Variants in SLC6A14 observed in about 807,000 individuals in gnomAD.
The protein encoded by SLC6A14 is solute carrier family 6 member 14.
In SLC6A14, 21 loss-of-function variants were observed where a neutral mutation model predicts 51.4. The ratio of observed to expected loss-of-function variants is 0.41; its 90% CI spans 0.29 to 0.59. The LOEUF (loss-of-function observed/expected upper bound fraction) is 0.59, where lower values mean the gene tolerates loss of function less well. Ranked by LOEUF, SLC6A14 falls within the 20% of genes least tolerant of loss-of-function variation. SLC6A14 has a pLI of 0.31. For synonymous variants in SLC6A14, 177 were observed against 160.7 expected (o/e 1.10, Z -0.77); for missense variants, 371 against 472.8 (o/e 0.78, Z 2.00).
intron 12 of SLC6A14, among the ~76,000 whole-genome samples, chrX:116,456,832 C>G (rs1352546683): frequency 1.8e-5 from 2 of 111,574 alleles, no homozygotes; most frequent in African/African-American, 6.5e-5. Flanking sequence ...TTTAAGGAAG[C>G]TCCTTAATAA....
At chrX:116,444,847 T>TCG (rs1345621270) in intron 5 of SLC6A14, 71 bp from the exon 6 acceptor site, 2 of 1,053,047 alleles carry the variant, frequency 1.9e-6, no homozygotes, top group African/African-American at 3.7e-5. Flanking sequence ...GGATAAATGG[T>TCG]ATTACAAAAC....
At chrX:116,440,170 T>C (rs2147384721) in intron 2 of SLC6A14, among the ~76,000 whole-genome samples, 1 of 111,577 alleles carries the variant, frequency 9.0e-6, no homozygotes, top group South Asian at 3.7e-4. Flanking sequence ...TGAAAAATAC[T>C]ATGCCCCAAA....
intron 9 of SLC6A14, 111 bp from the exon 10 acceptor site, chrX:116,454,213 A>G (rs1927878918): frequency 2.0e-6 from 1 of 493,140 alleles, no homozygotes; most frequent in East Asian, 3.6e-5. Context: ...CAGGGCTCAG[A>G]GTCTATTTTC....
Position 116,459,004 on chromosome X carries a change from A to G in SLC6A14, c.*49A>G, listed in dbSNP as rs782366515. The G allele has an allele frequency of 2.9e-6, 3 of 1,020,081 alleles. No homozygotes were observed. Among genetic ancestry groups the G allele is most frequent in the South Asian group, 4.6e-5 (2 of 43,223 alleles). The allele number at this position is 1,020,081 out of a possible 1,213,427, so 84.1% of individuals were successfully genotyped here. ...ATTGTATAATGTGATTTTTTTTAGA[A>G]TAGGGGGAACCTTATTTATTTGTGT... On this transcript the variant is annotated 3_prime_UTR_variant, in exon 14 of 14. Transcript: ENST00000598581.
intron 8 of SLC6A14, 67 bp from the exon 9 acceptor site, chrX:116,452,950 T>C (rs1226420449): frequency 2.3e-6 from 2 of 886,051 alleles, no homozygotes; most frequent in South Asian, 3.2e-5. Context: ...TAATATCTTA[T>C]GTTTTAAATG....
intron 3 of SLC6A14, among the ~76,000 whole-genome samples, chrX:116,441,815 CTT>C (rs1417810117): frequency 9.0e-6 from 1 of 111,630 alleles, no homozygotes; most frequent in Non-Finnish European, 1.9e-5. Flanking sequence ...GTTAAGGAAA[CTT>C]TGGATATTTA....
At chrX:116,446,234 A>T (rs1169030900) in intron 6 of SLC6A14, among the ~76,000 whole-genome samples, 1 of 110,087 alleles carries the variant, frequency 9.1e-6, no homozygotes, top group Non-Finnish European at 1.9e-5. Context: ...AAACTCTCTT[A>T]ATGGTAGCTG....
chrX:116,442,543 G>A (rs1927619802), intron 3 of SLC6A14, 144 bp from the exon 4 acceptor site: 1 of 422,377 alleles, frequency 2.4e-6, no homozygotes, highest in African/African-American at 2.6e-5. Flanking sequence ...AGGATTATAG[G>A]CATGAGCCAC....
chrX:116,446,732 T>A lies in SLC6A14; in HGVS notation c.790-9T>A. 1.7e-6 allele frequency: 2 copies of A among 1,192,360 alleles called. No individual in the cohort carries two copies. The highest frequency in any genetic ancestry group is 2.3e-6 in the Non-Finnish European group (2 of 879,612). On this transcript the variant is annotated splice_polypyrimidine_tract_variant and intron_variant, in intron 6 of 13. Transcript: ENST00000598581. Reference sequence around the variant, plus strand: ...TAATTTACTAATTTTTGGTTACTTTTCTTGGTAGGTGGTATATTTTACAGC... The same window carrying A: ...TAATTTACTAATTTTTGGTTACTTTACTTGGTAGGTGGTATATTTTACAGC...
rs1927980212 is a variant in SLC6A14 at position 116,458,690 on chromosome X, G to C, written c.1783-119G>C. On this transcript the variant is annotated intron_variant, in intron 13 of 13. Transcript: ENST00000598581. ...TGAACACTTTTTAGTTTTCTATGAT[G>C]CTTATTTTTTGTTAGTAGAGAAAAA... is the stretch of plus-strand genomic sequence containing the variant. 5 of 610,787 alleles carry C rather than the reference G, an allele frequency of 8.2e-6. No homozygotes were observed. In the South Asian group the frequency reaches 3.1e-4, roughly 38 times the overall value. The allele number at this position is 610,787 out of a possible 1,213,427, so 50.3% of individuals were successfully genotyped here. A position where few individuals can be genotyped will look rare whatever the true frequency, so the allele number is the denominator to read the frequency against.
At chrX:116,449,308 C>G (rs1354356632) in intron 7 of SLC6A14, among the ~76,000 whole-genome samples, 1 of 111,538 alleles carries the variant, frequency 9.0e-6, no homozygotes, top group Non-Finnish European at 1.9e-5. Flanking sequence ...AATTTCTCTT[C>G]CCTTTTGTTT....
chrX:116,444,918 T>C lies in SLC6A14; in HGVS notation c.657T>C (p.Asn219=). The C allele has an allele frequency of 8.3e-7, 1 of 1,210,082 alleles. No homozygotes were observed. The highest frequency in any genetic ancestry group is 1.1e-6 in the Non-Finnish European group (1 of 894,121). Residue 219 remains asparagine, a splice_region_variant and synonymous_variant, in exon 6 of 14, where the codon AAT becomes AAC. Coordinates refer to ENST00000598581, the MANE Select transcript of SLC6A14 (RefSeq NM_007231.5). ...TCATAAAATGGCTTATGTGTTTCAG[T>C]AAAGTGGCGCTCCAACGGTCAAGTG... is the stretch of plus-strand genomic sequence containing the variant. ...PGQLPSEQYW[N]KVALQRSSGM...
Position 116,459,064 on chromosome X carries a change from A to T in SLC6A14, c.*109A>T. ...ATAGGAAAATGTACATACTATGTTC[A>T]TGATAGTGTGATTTTTTTCACATTT... is the stretch of plus-strand genomic sequence containing the variant. On this transcript the variant is annotated 3_prime_UTR_variant, in exon 14 of 14. Coordinates refer to ENST00000598581, the MANE Select transcript of SLC6A14 (RefSeq NM_007231.5). The T allele has an allele frequency of 1.6e-6, 1 of 609,353 alleles. No homozygotes were observed. The highest frequency in any genetic ancestry group is 2.4e-6 in the Non-Finnish European group (1 of 410,428). 50.2% of individuals were successfully genotyped at this position (609,353 alleles called of 1,213,427 possible).
At chrX:116,455,154 ATTATACTATTAATTT>A in intron 11 of SLC6A14, 78 bp downstream of exon 11, 1 of 726,402 alleles carries the variant, frequency 1.4e-6, no homozygotes. Flanking sequence ...TATTTACCTA[ATTATACTATTAATTT>A]TTATACTATT....
intron 7 of SLC6A14, among the ~76,000 whole-genome samples, chrX:116,450,637 A>G (rs1927804820): frequency 8.9e-6 from 1 of 112,235 alleles, no homozygotes; most frequent in African/African-American, 3.2e-5. Context: ...GCAGTGTGGC[A>G]ATAAAGAAGT....
chrX:116,445,653 A>G (rs1556693975), intron 6 of SLC6A14, among the ~76,000 whole-genome samples: 2 of 111,665 alleles, frequency 1.8e-5, no homozygotes, highest in South Asian at 3.7e-4. Flanking sequence ...ACATTCTGTT[A>G]TATTTTCCCA....
At chrX:116,436,892 G>C in intron 1 of SLC6A14, 135 bp downstream of exon 1, 2 of 511,937 alleles carry the variant, frequency 3.9e-6, no homozygotes, top group Non-Finnish European at 6.4e-6. Context: ...AGGTGTGACT[G>C]AGATATACCT....
At chrX:116,454,187 T>G in intron 9 of SLC6A14, 137 bp from the exon 10 acceptor site, 1 of 424,560 alleles carries the variant, frequency 2.4e-6, no homozygotes. Flanking sequence ...CCCTGTGGGT[T>G]TTTAAAAGCA....
At position 116,459,866 on chromosome X, in the gene SLC6A14, G is replaced by C. The variant is rs1420865315; in HGVS notation, c.*911G>C. 8.9e-6 allele frequency: 1 copy of C among 111,974 alleles called. No homozygotes were observed. The highest frequency in any genetic ancestry group is 2.8e-4 in the East Asian group (1 of 3,591). 9.2% of individuals were successfully genotyped at this position (111,974 alleles called of 1,213,427 possible). ...ATTACTGTAATACAGGGCTGATAGA[G>C]TGATTTTGTCTTATATGAGTAAGTT... On this transcript the variant is annotated 3_prime_UTR_variant, in exon 14 of 14. Coordinates refer to ENST00000598581, the MANE Select transcript of SLC6A14 (RefSeq NM_007231.5).
Sources: allele counts gnomAD v4.1 joint callset (sites outside exome capture counted in the v4.1 genomes callset), GRCh38; gene constraint gnomAD v4.1.1; transcripts MANE v1.5; gene names NCBI Gene and HGNC (gene_info 2026-07-23, HGNC 2026-07-21).